Variants in ZCCHC9 observed in about 807,000 individuals in gnomAD.
ZCCHC9 encodes the protein zinc finger CCHC domain-containing protein 9.
A neutral mutation model predicts 30.8 loss-of-function variants in ZCCHC9; 18 were observed. That is an observed-to-expected ratio of 0.58 (90% confidence interval 0.40 to 0.87). The LOEUF is 0.87. Ranked by LOEUF, ZCCHC9 falls within the 40% of genes least tolerant of loss-of-function variation. The pLI is 0.00. For synonymous variants in ZCCHC9, 94 were observed against 106.7 expected (o/e 0.88, Z 0.73); for missense variants, 279 against 331.2 (o/e 0.84, Z 1.22).
chr5:81,303,633 T>G (rs1287094398), intron 1 of ZCCHC9: 1 of 152,930 alleles, frequency 6.5e-6, no homozygotes, highest in African/African-American at 2.4e-5. Context: ...TTGTCTAGTA[T>G]TATGTACAGT....
intron 4 of ZCCHC9, 107 bp from the exon 5 acceptor site, chr5:81,311,104 A>G (rs990234536): frequency 1.8e-6 from 2 of 1,111,736 alleles, no homozygotes; most frequent in Middle Eastern, 2.0e-4. Flanking sequence ...AGCTACCTTT[A>G]CAACTGACAG....
intron 4 of ZCCHC9, among the ~76,000 whole-genome samples, chr5:81,309,715 C>G (rs1272636203): frequency 6.6e-6 from 1 of 152,110 alleles, no homozygotes; most frequent in African/African-American, 2.4e-5. Context: ...AGCACTGCCA[C>G]TCACTAGCTG....
intron 1 of ZCCHC9, 45 bp from the exon 2 acceptor site, chr5:81,304,696 G>T: frequency 6.6e-7 from 1 of 1,504,328 alleles, no homozygotes; most frequent in Non-Finnish European, 8.9e-7. Context: ...TGTTGTTTTT[G>T]TTGTTGATGG....
chr5:81,311,246 T>G lies in ZCCHC9; in HGVS notation c.664T>G (p.Leu222Val). Residue 222 changes from leucine (L) to valine (V), a missense_variant, in exon 5 of 6, where the codon TTA becomes GTA. Leu to Val is a conservative substitution (Grantham distance 32). Transcript: ENST00000407610. ...CAAACTTTGTGGCTCTGTGGAACAT[T>G]TAAAGAAAGATTGCCCTGAAAGTCA... ...GCKLCGSVEH[L>V]KKDCPESQNS... 6.2e-7 allele frequency: 1 copy of G among 1,614,108 alleles called. No individual in the cohort carries two copies. Among genetic ancestry groups the G allele is most frequent in the Non-Finnish European group, 8.5e-7 (1 of 1,179,954 alleles).
In ZCCHC9 at chr5:81,310,157, TAAAAAAA is replaced by T. The variant is rs71000814; in HGVS notation, c.629-1037_629-1031del. On this transcript the variant is annotated intron_variant, in intron 4 of 5. Coordinates refer to ENST00000407610, the MANE Select transcript of ZCCHC9 (RefSeq NM_001131035.2). ...ACTGGTCAACCAAAGTGACTAGCTG[TAAAAAAA>T]AAAAAAAAAAAAAAAATTAATGCAG... is the stretch of plus-strand genomic sequence containing the variant. Among the ~76,000 whole-genome samples, 166 of 104,762 alleles carry T rather than the reference TAAAAAAA, an allele frequency of 1.6e-3. 4 individuals carry two copies. Among genetic ancestry groups the T allele is most frequent in the African/African-American group, 6.5e-3 (161 of 24,728 alleles). 68.7% of individuals were successfully genotyped at this position (104,762 alleles called of 152,430 possible). A position where few individuals can be genotyped will look rare whatever the true frequency, so the allele number is the denominator to read the frequency against.
At position 81,304,881 on chromosome 5, in the gene ZCCHC9, C is replaced by A. The variant is rs1235397301; in HGVS notation, c.124C>A (p.Leu42Ile). ...TSQNLPKRKQ[L>I]EANRLSLKND... is the part of the protein sequence containing the mutation. Reference sequence around the variant, plus strand: ...CCAAAACCTACCAAAGCGTAAACAACTTGAAGCCAATAGGCTATCCCTCAA... The same window carrying A: ...CCAAAACCTACCAAAGCGTAAACAAATTGAAGCCAATAGGCTATCCCTCAA... Residue 42 changes from leucine (L) to isoleucine (I), a missense_variant, in exon 2 of 6, where the codon CTT becomes ATT. Leu to Ile is a conservative substitution (Grantham distance 5). Coordinates refer to ENST00000407610, the MANE Select transcript of ZCCHC9 (RefSeq NM_001131035.2). 1 of 1,614,132 alleles carries A rather than the reference C, an allele frequency of 6.2e-7. No individual in the cohort carries two copies. Among genetic ancestry groups the A allele is most frequent in the African/African-American group, 1.3e-5 (1 of 75,036 alleles).
Position 81,312,839 on chromosome 5 carries a change from T to C in ZCCHC9, c.*177T>C. ...GTCTATCAAATAGTACTTCTACCACTGTTTGGAGAAAATTGAAGAAAAGAA... is the reference window on the plus strand; with the variant it reads ...GTCTATCAAATAGTACTTCTACCACCGTTTGGAGAAAATTGAAGAAAAGAA... On this transcript the variant is annotated 3_prime_UTR_variant, in exon 6 of 6. Transcript: ENST00000407610. 2.2e-6 allele frequency: 1 copy of C among 447,456 alleles called. No individual in the cohort carries two copies. The highest frequency in any genetic ancestry group is 3.5e-5 in the East Asian group (1 of 28,862). 27.7% of individuals were successfully genotyped at this position (447,456 alleles called of 1,614,324 possible). A position where few individuals can be genotyped will look rare whatever the true frequency, so the allele number is the denominator to read the frequency against.
Position 81,312,842 on chromosome 5 carries a change from T to G in ZCCHC9, c.*180T>G. 1 of 433,120 alleles carries G rather than the reference T, an allele frequency of 2.3e-6. No individual in the cohort carries two copies. The highest frequency in any genetic ancestry group is 4.2e-6 in the Non-Finnish European group (1 of 240,028). 26.8% of individuals were successfully genotyped at this position (433,120 alleles called of 1,614,324 possible). A position where few individuals can be genotyped will look rare whatever the true frequency, so the allele number is the denominator to read the frequency against. Reference sequence around the variant, plus strand: ...TATCAAATAGTACTTCTACCACTGTTTGGAGAAAATTGAAGAAAAGAATAA... The same window carrying G: ...TATCAAATAGTACTTCTACCACTGTGTGGAGAAAATTGAAGAAAAGAATAA... On this transcript the variant is annotated 3_prime_UTR_variant, in exon 6 of 6. Transcript: ENST00000407610.
Position 81,312,737 on chromosome 5 carries a change from G to A in ZCCHC9, c.*75G>A. The A allele has an allele frequency of 9.3e-7, 1 of 1,080,866 alleles. No individual in the cohort carries two copies. The highest frequency in any genetic ancestry group is 1.5e-5 in the African/African-American group (1 of 64,588). 67.0% of individuals were successfully genotyped at this position (1,080,866 alleles called of 1,614,324 possible). On this transcript the variant is annotated 3_prime_UTR_variant, in exon 6 of 6. Coordinates refer to ENST00000407610, the MANE Select transcript of ZCCHC9 (RefSeq NM_001131035.2). ...CAGGCCCGCTTCACGAGTTAGAGTT[G>A]AGCTCCCCTGTAGCCAGGACTATGC...
intron 2 of ZCCHC9, among the ~76,000 whole-genome samples, chr5:81,306,241 T>A (rs1758079379): frequency 6.6e-6 from 1 of 152,246 alleles, no homozygotes; most frequent in African/African-American, 2.4e-5. Context: ...TGTAGAGCAC[T>A]GTTTGCACCA....
At chr5:81,308,775 A>AT (rs1053868934) in intron 3 of ZCCHC9, 64 bp downstream of exon 3, 67 of 1,550,576 alleles carry the variant, frequency 4.3e-5, no homozygotes, top group African/African-American at 1.8e-4. Flanking sequence ...CACCTTGGGT[A>AT]TTTTTTTAAC....
chr5:81,304,421 A>G (rs1758036297), intron 1 of ZCCHC9: 1 of 174,096 alleles, frequency 5.7e-6, no homozygotes. Context: ...GAATAATTGC[A>G]TTCATTGTAT....
At chr5:81,304,379 TAAAC>T in intron 1 of ZCCHC9, 1 of 157,790 alleles carries the variant, frequency 6.3e-6, no homozygotes, top group East Asian at 1.8e-4. Flanking sequence ...GATAGGAAAA[TAAAC>T]AGCCGGGAAA....
chr5:81,310,177 A>T (rs1166074692), intron 4 of ZCCHC9, among the ~76,000 whole-genome samples: 3 of 151,478 alleles, frequency 2.0e-5, no homozygotes, highest in African/African-American at 4.8e-5. Context: ...AAAAAAAAAA[A>T]AAATTAATGC....
chr5:81,310,667 G>C (rs1177791555), intron 4 of ZCCHC9, among the ~76,000 whole-genome samples: 2 of 152,202 alleles, frequency 1.3e-5, no homozygotes, highest in East Asian at 3.8e-4. Flanking sequence ...AAAGTAGGCA[G>C]GTGGGCATTT....
chr5:81,304,485 A>G (rs1011627519), intron 1 of ZCCHC9: 4 of 278,774 alleles, frequency 1.4e-5, no homozygotes, highest in Non-Finnish European at 2.7e-5. Context: ...ATAGTTTTTC[A>G]ATTTTAAGCA....
In ZCCHC9 at chr5:81,312,584, T is replaced by G. The variant is rs1758324502; in HGVS notation, c.738T>G (p.Ser246Arg). The G allele has an allele frequency of 1.9e-6, 3 of 1,613,836 alleles. No individual in the cohort carries two copies. The highest frequency in any genetic ancestry group is 2.5e-6 in the Non-Finnish European group (3 of 1,179,858). Residue 246 changes from serine to arginine, a missense_variant, in exon 6 of 6, where the codon AGT becomes AGG. Physicochemically the swap from Ser to Arg is moderately radical, Grantham distance 110. Coordinates refer to ENST00000407610, the MANE Select transcript of ZCCHC9 (RefSeq NM_001131035.2). ...VTVGRWAKGM[S>R]ADYEEILDVP... ...TTGGTCGCTGGGCAAAGGGAATGAG[T>G]GCAGACTATGAAGAAATTTTGGATG...
chr5:81,308,022 A>AAAAAAAATCTATCT (rs34237879), intron 2 of ZCCHC9, among the ~76,000 whole-genome samples: 1 of 68,344 alleles, frequency 1.5e-5, no homozygotes, highest in African/African-American at 5.4e-5. Flanking sequence ...AAAAAAAAAA[A>AAAAAAAATCTATCT]ATCTATCTAT....
At chr5:81,307,994 C>CAA (rs11322486) in intron 2 of ZCCHC9, among the ~76,000 whole-genome samples, 7 of 30,300 alleles carry the variant, frequency 2.3e-4, no homozygotes, top group African/African-American at 8.3e-4. Context: ...GACTCCGTCT[C>CAA]AAAAAAAAAA....
Sources: gnomAD v4.1 joint callset for allele counts (sites outside exome capture counted in the v4.1 genomes callset) on GRCh38, gnomAD v4.1.1 for gene constraint, MANE v1.5 for transcripts, NCBI Gene and HGNC (gene_info 2026-07-23, HGNC 2026-07-21) for gene names.